SNRNP40: variants seen among roughly 807,000 people sequenced by gnomAD.
SNRNP40 encodes the protein U5 small nuclear ribonucleoprotein 40 kDa protein.
Under a neutral mutation model 45.8 loss-of-function variants are expected in SNRNP40, and 21 were observed. The ratio of observed to expected loss-of-function variants is 0.46; its 90% CI spans 0.32 to 0.66. The LOEUF is 0.66. Ranked by LOEUF, SNRNP40 falls within the 30% of genes least tolerant of loss-of-function variation. The pLI, the probability that SNRNP40 is intolerant of heterozygous loss-of-function variation, is 0.03. For synonymous variants in SNRNP40, 142 were observed against 163.8 expected, an observed-to-expected ratio of 0.87 and a Z score of 1.01; for missense variants, 344 against 439.1, an observed-to-expected ratio of 0.78 and a Z score of 1.94.
chr1:31,262,387 A>G (rs557632907), intron 8 of SNRNP40, among the ~76,000 whole-genome samples: 6 of 151,796 alleles, frequency 4.0e-5, no homozygotes, highest in African/African-American at 1.4e-4. Context: ...CAGGAGTGGT[A>G]GCGTGTGCCT....
chr1:31,275,984 A>G lies in SNRNP40; in HGVS notation c.655-4485T>C, dbSNP rs570491474. ...GCACAAATATGTCCATAGCAGCATA[A>G]TCTGTGATAATGATTCACATGAAAC... On this transcript the variant is annotated intron_variant, in intron 5 of 9. Transcript: ENST00000263694. Among the ~76,000 whole-genome samples, 33 of 152,354 alleles carry G rather than the reference A, an allele frequency of 2.2e-4. No homozygotes were observed. The South Asian group carries it at 6.8e-3, about 32-fold the overall frequency.
intron 8 of SNRNP40, among the ~76,000 whole-genome samples, chr1:31,267,437 G>C (rs1645905044): frequency 1.3e-5 from 2 of 152,182 alleles, no homozygotes; most frequent in African/African-American, 4.8e-5. Flanking sequence ...ACTGCACAGA[G>C]CTTCATCTTC....
intron 9 of SNRNP40, among the ~76,000 whole-genome samples, 180 bp downstream of exon 9, chr1:31,261,349 A>AAAAAC (rs754481801): frequency 7.2e-5 from 11 of 152,336 alleles, no homozygotes; most frequent in Admixed American, 2.0e-4. Flanking sequence ...ACACTGTCTC[A>AAAAAC]AAAACAAAAC....
intron 4 of SNRNP40, among the ~76,000 whole-genome samples, chr1:31,283,170 T>C (rs1188707898): frequency 6.6e-6 from 1 of 152,228 alleles, no homozygotes. Flanking sequence ...CTGCAAAGAC[T>C]GGGAGAATTT....
At chr1:31,279,660 T>G (rs1569655636) in intron 5 of SNRNP40, among the ~76,000 whole-genome samples, 1 of 151,498 alleles carries the variant, frequency 6.6e-6, no homozygotes, top group Non-Finnish European at 1.5e-5. Context: ...GGCAAGAGAA[T>G]TGCTTGAACC....
intron 7 of SNRNP40, among the ~76,000 whole-genome samples, 164 bp from the exon 8 acceptor site, chr1:31,268,096 T>C (rs1188241211): frequency 6.6e-6 from 1 of 152,182 alleles, no homozygotes; most frequent in African/African-American, 2.4e-5. Flanking sequence ...ACAGCATACT[T>C]TGTTATTTTA....
intron 4 of SNRNP40, among the ~76,000 whole-genome samples, chr1:31,288,798 G>A (rs1646080695): frequency 6.6e-6 from 1 of 151,960 alleles, no homozygotes; most frequent in African/African-American, 2.4e-5. Context: ...GAGTGCAGTG[G>A]TGCAATCTCT....
intron 6 of SNRNP40, 98 bp downstream of exon 6, chr1:31,271,281 T>C (rs1645936169): frequency 2.4e-6 from 3 of 1,264,444 alleles, no homozygotes; most frequent in Non-Finnish European, 3.3e-6. Flanking sequence ...CACCTAAAGC[T>C]TTCCCCATTA....
At position 31,269,373 on chromosome 1, in the gene SNRNP40, G is replaced by A. The variant is rs1193202034; in HGVS notation, c.776-133C>T. The A allele has an allele frequency of 6.7e-6, 10 of 1,485,910 alleles. No individual in the cohort carries two copies. The Admixed American group carries it at 2.1e-4, about 31-fold the overall frequency. The allele number at this position is 1,485,910 out of a possible 1,614,324, so 92.0% of individuals were successfully genotyped here. A position where few individuals can be genotyped will look rare whatever the true frequency, so the allele number is the denominator to read the frequency against. The stretch of plus-strand genomic sequence containing the variant: ...TTCCTCGGTGGGCAAAGTCCAACTT[G>A]ACATACTGCTACCTGTTAAGGCTCT... On this transcript the variant is annotated intron_variant, in intron 6 of 9. Transcript: ENST00000263694.
intron 5 of SNRNP40, among the ~76,000 whole-genome samples, chr1:31,271,990 T>C (rs1216523619): frequency 2.0e-5 from 3 of 152,108 alleles, no homozygotes; most frequent in South Asian, 2.1e-4. Flanking sequence ...TAGATAAATA[T>C]AAACGAATGC....
At chr1:31,262,756 A>C (rs1330138958) in intron 8 of SNRNP40, among the ~76,000 whole-genome samples, 1 of 152,076 alleles carries the variant, frequency 6.6e-6, no homozygotes, top group African/African-American at 2.4e-5. Context: ...ATGGTGGCTC[A>C]CATCTGTAAT....
chr1:31,271,555 A>T, intron 5 of SNRNP40, 56 bp from the exon 6 acceptor site: 1 of 1,561,926 alleles, frequency 6.4e-7, no homozygotes, highest in Non-Finnish European at 8.7e-7. Context: ...AGAGAAAGAG[A>T]ATGACACAAG....
intron 6 of SNRNP40, among the ~76,000 whole-genome samples, chr1:31,270,068 A>G (rs1184804831): frequency 6.6e-6 from 1 of 152,016 alleles, no homozygotes; most frequent in Non-Finnish European, 1.5e-5. Flanking sequence ...ACACCTGGCT[A>G]ATTTTTGTAT....
At chr1:31,291,293 A>C (rs1412851309) in intron 3 of SNRNP40, among the ~76,000 whole-genome samples, 2 of 152,022 alleles carry the variant, frequency 1.3e-5, no homozygotes, top group African/African-American at 4.8e-5. Context: ...CGTCTCAAAA[A>C]AAAAAAATTA....
intron 5 of SNRNP40, among the ~76,000 whole-genome samples, chr1:31,278,454 G>A (rs1307327796): frequency 6.6e-6 from 1 of 152,150 alleles, no homozygotes; most frequent in East Asian, 1.9e-4. Context: ...TTATTTCACT[G>A]TATGTAAATT....
intron 7 of SNRNP40, among the ~76,000 whole-genome samples, chr1:31,268,910 G>T (rs1418885666): frequency 6.6e-6 from 1 of 152,182 alleles, no homozygotes; most frequent in East Asian, 1.9e-4. Flanking sequence ...CTCTTGTTGA[G>T]GCTGGTGTCA....
In SNRNP40 at chr1:31,296,670, C is replaced by T; in HGVS notation, c.82G>A (p.Ala28Thr). Residue 28 changes from alanine to threonine, a missense_variant, in exon 1 of 10, where the codon GCG (alanine) becomes ACG (threonine). By Grantham distance (58) the Ala-to-Thr change is moderately conservative. Around this residue, in one of 2 missense-constraint regions of SNRNP40, gnomAD observed 90 missense variants for 58.9 expected, o/e 1.53. Coordinates refer to ENST00000263694, the MANE Select transcript of SNRNP40 (RefSeq NM_004814.3). Reference sequence around the variant, plus strand: ...TGCCCGGCTCCTGGGCCAGACCCCGCTCCCAACAGCAACTCATGCCGCTGC... The same window carrying T: ...TGCCCGGCTCCTGGGCCAGACCCCGTTCCCAACAGCAACTCATGCCGCTGC... ...KRQRHELLLG[A>T]GSGPGAGQQQ... 1 of 1,614,020 alleles carries T rather than the reference C, an allele frequency of 6.2e-7. No individual in the cohort carries two copies. Among genetic ancestry groups the T allele is most frequent in the Non-Finnish European group, 8.5e-7 (1 of 1,179,958 alleles).
rs546998383 is a variant in SNRNP40, at chr1:31,273,555, A to G, written c.655-2056T>C. Among the ~76,000 whole-genome samples the G allele has an allele frequency of 3.3e-5, 5 of 152,036 alleles. No individual in the cohort carries two copies. In the South Asian group the frequency reaches 1.0e-3, roughly 32 times the overall value. On this transcript the variant is annotated intron_variant, in intron 5 of 9. Transcript: ENST00000263694. ...CTCGGGAGGCTGAGGCAGAAGAATC[A>G]CTTGAACCCGGGAGGCGGAGGCTGC...
intron 4 of SNRNP40, among the ~76,000 whole-genome samples, chr1:31,283,330 T>C (rs1297410714): frequency 6.6e-6 from 1 of 152,204 alleles, no homozygotes; most frequent in Non-Finnish European, 1.5e-5. Flanking sequence ...AGGCCGGGCA[T>C]GGTGGCTTAC....
Sources: gnomAD v4.1 joint callset for allele counts (sites outside exome capture counted in the v4.1 genomes callset) on GRCh38, gnomAD v4.1.1 for gene constraint, gnomAD v4.1.1 regional missense constraint, MANE v1.5 for transcripts, NCBI Gene and HGNC (gene_info 2026-07-23, HGNC 2026-07-21) for gene names.